The following NCAPG variants were observed in gnomAD, a reference collection of about 807,000 sequenced individuals.
NCAPG encodes the protein non-SMC condensin I complex subunit G.
Under a neutral mutation model 113.1 loss-of-function variants are expected in NCAPG, and 69 were observed. That is an observed-to-expected ratio of 0.61 (90% CI 0.50 to 0.75). The LOEUF (loss-of-function observed/expected upper bound fraction) is 0.75. Ranked by LOEUF, NCAPG falls within the 30% of genes least tolerant of loss-of-function variation. The pLI is 0.00. For missense variants in NCAPG, 1,058 were observed against 1,177.0 expected (o/e 0.90, Z 1.48); for synonymous variants, 370 against 415.8 (o/e 0.89, Z 1.34).
intron 7 of NCAPG, among the ~76,000 whole-genome samples, chr4:17,820,441 A>C (rs1721407052): frequency 6.6e-6 from 1 of 151,998 alleles, no homozygotes; most frequent in South Asian, 2.1e-4. Context: ...CTCTACTAAA[A>C]ATACAAAAAA....
chr4:17,843,223 G>GAAAC, intron 20 of NCAPG, 79 bp from the exon 21 acceptor site: 1 of 1,485,102 alleles, frequency 6.7e-7, no homozygotes, highest in Middle Eastern at 2.1e-4. Flanking sequence ...ATGTGAGTCA[G>GAAAC]AAACAAAAAA....
At chr4:17,822,916 T>C in intron 7 of NCAPG, 67 bp from the exon 8 acceptor site, 1 of 1,336,298 alleles carries the variant, frequency 7.5e-7, no homozygotes, top group East Asian at 2.5e-5. Context: ...TCTGACCTAA[T>C]GGTGGGAATC....
intron 12 of NCAPG, among the ~76,000 whole-genome samples, chr4:17,830,553 C>CTTTT (rs770223582): frequency 0.025 from 3,384 of 137,260 alleles, 57 homozygotes; most frequent in African/African-American, 0.029. Context: ...ACTAGTTTCA[C>CTTTT]TTTTTTTTTT....
chr4:17,834,617 C>A, intron 14 of NCAPG, 94 bp downstream of exon 14: 1 of 805,532 alleles, frequency 1.2e-6, no homozygotes, highest in East Asian at 3.1e-5. Flanking sequence ...TAGTTTAAGT[C>A]CTGTGATACA....
chr4:17,843,054 T>A (rs1722572113), intron 20 of NCAPG: 1 of 265,380 alleles, frequency 3.8e-6, no homozygotes. Flanking sequence ...GTGGCTTTTT[T>A]TCCTGTATAA....
At chr4:17,842,831 C>T (rs1722547763) in intron 20 of NCAPG, 2 of 164,842 alleles carry the variant, frequency 1.2e-5, no homozygotes, top group African/African-American at 4.8e-5. Context: ...TATTCATTTG[C>T]AAAATTGTAT....
Position 17,840,170 on chromosome 4 carries a change from G to C in NCAPG, c.2728G>C (p.Asp910His). 4 of 1,609,432 alleles carry C rather than the reference G, an allele frequency of 2.5e-6. No homozygotes were observed. The highest frequency in any genetic ancestry group is 3.4e-6 in the Non-Finnish European group (4 of 1,178,182). Residue 910 changes from aspartate to histidine, a missense_variant, in exon 18 of 21, where the codon GAT becomes CAT. Transcript: ENST00000251496. ...EFGDQAEAAQ[D>H]ATLTTTTFQN... ...TGGTGACCAAGCTGAAGCAGCACAG[G>C]ATGCCACCTTGACTACAACTACTTT... is the stretch of plus-strand genomic sequence containing the variant.
At position 17,828,402 on chromosome 4, in the gene NCAPG, C is replaced by T. The variant is rs773108266; in HGVS notation, c.1764+14C>T. 1 of 1,501,888 alleles carries T rather than the reference C, an allele frequency of 6.7e-7. No individual in the cohort carries two copies. The allele number at this position is 1,501,888 out of a possible 1,614,324, so 93.0% of individuals were successfully genotyped here. On this transcript the variant is annotated intron_variant, in intron 12 of 20. Transcript: ENST00000251496. ...ATCGAATCTTTGGTATGTTGATGGC[C>T]TCTTGGGCTTTATTTTAGTCCACTC...
chr4:17,843,227 CAAA>C, intron 20 of NCAPG, 72 bp from the exon 21 acceptor site: 1 of 1,499,234 alleles, frequency 6.7e-7, no homozygotes, highest in Non-Finnish European at 9.0e-7. Context: ...GAGTCAGAAA[CAAA>C]AAAGTTTTAT....
Position 17,811,691 on chromosome 4 carries a change from AT to A in NCAPG, c.111+506del, listed in dbSNP as rs763029291. Among the ~76,000 whole-genome samples the A allele has an allele frequency of 2.5e-4, 38 of 152,170 alleles. No homozygotes were observed. The highest frequency in any genetic ancestry group is 5.1e-4 in the Non-Finnish European group (35 of 68,036). On this transcript the variant is annotated intron_variant, in intron 1 of 20. Transcript: ENST00000251496. This position sits in a 1 kb window ranked among gnomAD's most constrained non-coding sequence, Gnocchi z 5.3. ...TTATTTTTAGGGCCTGGCCATTCTTATTTATGTACATACTATTTGTTTGTTT... is the reference window on the plus strand; with the variant it reads ...TTATTTTTAGGGCCTGGCCATTCTTATTATGTACATACTATTTGTTTGTTT...
intron 15 of NCAPG, 91 bp from the exon 16 acceptor site, chr4:17,837,536 G>C: frequency 7.1e-7 from 1 of 1,411,148 alleles, no homozygotes; most frequent in Non-Finnish European, 9.6e-7. Flanking sequence ...CACTTAATGA[G>C]TGAATTTCCT....
At position 17,822,988 on chromosome 4, in the gene NCAPG, T is replaced by C; in HGVS notation, c.1124T>C (p.Ile375Thr). 6.3e-7 allele frequency: 1 copy of C among 1,597,392 alleles called. No individual in the cohort carries two copies. The highest frequency in any genetic ancestry group is 8.5e-7 in the Non-Finnish European group (1 of 1,174,546). ...ATTAATTCTGCTTGTTTTAGTTACA[T>C]CCAGAGCATTCCAGTTGTTAATGAA... is the stretch of plus-strand genomic sequence containing the variant. ...VVYADYLLSY[I>T]QSIPVVNEEH... Residue 375 changes from isoleucine (I) to threonine (T), a missense_variant, in exon 8 of 21, where the codon ATC becomes ACC. Coordinates refer to ENST00000251496, the MANE Select transcript of NCAPG (RefSeq NM_022346.5).
chr4:17,812,124 CATT>C, intron 1 of NCAPG, 94 bp from the exon 2 acceptor site: 1 of 863,744 alleles, frequency 1.2e-6, no homozygotes. Context: ...AATTTGTCTG[CATT>C]ATTATGGCTA....
intron 6 of NCAPG, 66 bp downstream of exon 6, chr4:17,817,519 T>TC: frequency 7.6e-7 from 1 of 1,310,454 alleles, no homozygotes; most frequent in East Asian, 2.3e-5. Flanking sequence ...TTGTTTTTTT[T>TC]CCTCCCCATA....
chr4:17,838,357 T>TA (rs1722188037), intron 16 of NCAPG, among the ~76,000 whole-genome samples: 1 of 152,218 alleles, frequency 6.6e-6, no homozygotes, highest in Non-Finnish European at 1.5e-5. Flanking sequence ...TTACTCTATT[T>TA]TATTTGATAT....
Position 17,829,290 on chromosome 4 carries a change from G to A in NCAPG, c.1764+902G>A, listed in dbSNP as rs574377408. On this transcript the variant is annotated intron_variant, in intron 12 of 20. Transcript: ENST00000251496. Reference sequence around the variant, plus strand: ...AAAACTGTATTTACTTGGTATTAGTGAGAAATAGCCAATGAATGTAATCTG... The same window carrying A: ...AAAACTGTATTTACTTGGTATTAGTAAGAAATAGCCAATGAATGTAATCTG... Among the ~76,000 whole-genome samples, 43 of 152,314 alleles carry A rather than the reference G, an allele frequency of 2.8e-4. 1 individual carries two copies. The South Asian group carries it at 8.9e-3, about 32-fold the overall frequency.
In NCAPG at chr4:17,813,020, T is replaced by A; in HGVS notation, c.419T>A (p.Phe140Tyr). Residue 140 changes from phenylalanine to tyrosine, a missense_variant, in exon 3 of 21, where the codon TTT becomes TAT. Phe to Tyr is a conservative substitution (Grantham distance 22, BLOSUM62 3). Transcript: ENST00000251496. ...PENAQIDDDV[F>Y]DKINKAMLIR... Reference sequence around the variant, plus strand: ...AATGCTCAGATTGATGATGATGTGTTTGATAAAATTAATAAAGCCATGCTT... The same window carrying A: ...AATGCTCAGATTGATGATGATGTGTATGATAAAATTAATAAAGCCATGCTT... 1 of 1,613,998 alleles carries A rather than the reference T, an allele frequency of 6.2e-7. No individual in the cohort carries two copies. Among genetic ancestry groups the A allele is most frequent in the Non-Finnish European group, 8.5e-7 (1 of 1,179,938 alleles).
At chr4:17,828,618 A>G (rs1208691201) in intron 12 of NCAPG, among the ~76,000 whole-genome samples, 4 of 152,110 alleles carry the variant, frequency 2.6e-5, no homozygotes, top group African/African-American at 4.8e-5. Flanking sequence ...TTAAAAAATG[A>G]TTTTATACTG....
Position 17,813,745 on chromosome 4 carries a change from C to A in NCAPG, c.544+600C>A, listed in dbSNP as rs1408118457. Among the ~76,000 whole-genome samples, 4 of 151,868 alleles carry A rather than the reference C, an allele frequency of 2.6e-5. No homozygotes were observed. The South Asian group carries it at 6.2e-4, about 24-fold the overall frequency. On this transcript the variant is annotated intron_variant, in intron 3 of 20. Coordinates refer to ENST00000251496, the MANE Select transcript of NCAPG (RefSeq NM_022346.5). Reference sequence around the variant, plus strand: ...CTTATGTCAAAAATATAAATCTCTGCCATTATGATTCGTATTTTTTAATCT... The same window carrying A: ...CTTATGTCAAAAATATAAATCTCTGACATTATGATTCGTATTTTTTAATCT...
Sources: gnomAD v4.1 joint callset for allele counts (sites outside exome capture counted in the v4.1 genomes callset) on GRCh38, gnomAD v4.1.1 for gene constraint, Gnocchi (gnomAD v3.1) non-coding constraint, MANE v1.5 for transcripts, NCBI Gene and HGNC (gene_info 2026-07-23, HGNC 2026-07-21) for gene names.